The following EPB41L4A variants were observed in gnomAD, a reference collection of about 807,000 sequenced individuals.
EPB41L4A encodes band 4.1-like protein 4A.
In EPB41L4A, 100 loss-of-function variants were observed where a neutral mutation model predicts 108.6. The observed-to-expected ratio is 0.92, with a 90% CI of 0.78 to 1.09. The LOEUF is 1.09. Among genes scored for constraint, EPB41L4A ranks in the 50% least tolerant of loss-of-function variants. The pLI is 0.00. For missense variants in EPB41L4A, 1,030 were observed against 842.7 expected, an observed-to-expected ratio of 1.22 and a Z score of -2.75; for synonymous variants, 319 against 289.0, an observed-to-expected ratio of 1.10 and a Z score of -1.05.
chr5:112,234,142 G>A (rs1046894425), intron 12 of EPB41L4A, among the ~76,000 whole-genome samples: 1 of 150,062 alleles, frequency 6.7e-6, no homozygotes, highest in Non-Finnish European at 1.5e-5. Context: ...AACATAGTGA[G>A]ACCCTATCTC....
intron 12 of EPB41L4A, among the ~76,000 whole-genome samples, chr5:112,218,992 G>A (rs971157149): frequency 1.3e-5 from 2 of 152,168 alleles, no homozygotes; most frequent in Admixed American, 6.5e-5. Flanking sequence ...ATACCATACC[G>A]ATTCGTTGTG....
intron 1 of EPB41L4A, among the ~76,000 whole-genome samples, chr5:112,396,273 A>G (rs1205748788): frequency 6.6e-6 from 1 of 152,204 alleles, no homozygotes; most frequent in Non-Finnish European, 1.5e-5. Context: ...AAAAAGAAAA[A>G]GAAAACCATT....
intron 1 of EPB41L4A, among the ~76,000 whole-genome samples, chr5:112,401,627 C>T (rs1198774216): frequency 6.6e-6 from 1 of 152,136 alleles, no homozygotes; most frequent in African/African-American, 2.4e-5. Flanking sequence ...AAAATTATAG[C>T]TATTTCCAAG....
intron 1 of EPB41L4A, among the ~76,000 whole-genome samples, chr5:112,365,089 A>G (rs1759040496): frequency 6.6e-6 from 1 of 152,230 alleles, no homozygotes; most frequent in South Asian, 2.1e-4. Context: ...GGCATAAAGC[A>G]GATACTAAAT....
intron 12 of EPB41L4A, among the ~76,000 whole-genome samples, chr5:112,233,070 A>T (rs1749068101): frequency 6.6e-6 from 1 of 152,222 alleles, no homozygotes; most frequent in African/African-American, 2.4e-5. Flanking sequence ...TAACCCAAAT[A>T]TCCATCAACA....
intron 10 of EPB41L4A, 50 bp downstream of exon 10, chr5:112,240,669 T>C (rs372324954): frequency 5.0e-6 from 5 of 997,304 alleles, no homozygotes; most frequent in African/African-American, 1.7e-5. Context: ...TAAAAATAAA[T>C]GCCATTTTCA....
At chr5:112,391,755 G>C (rs1276219767) in intron 1 of EPB41L4A, among the ~76,000 whole-genome samples, 2 of 152,010 alleles carry the variant, frequency 1.3e-5, no homozygotes, top group East Asian at 3.9e-4. Context: ...CTCAAGAAGA[G>C]CAACCCCAAG....
At chr5:112,358,576 G>C (rs1758512410) in intron 1 of EPB41L4A, among the ~76,000 whole-genome samples, 1 of 152,216 alleles carries the variant, frequency 6.6e-6, no homozygotes, top group African/African-American at 2.4e-5. Flanking sequence ...CAAGGATGCA[G>C]AGCAACTAGA....
At chr5:112,173,920 G>A (rs754418762) in intron 18 of EPB41L4A, among the ~76,000 whole-genome samples, 1 of 152,126 alleles carries the variant, frequency 6.6e-6, no homozygotes, top group Non-Finnish European at 1.5e-5. Context: ...GGGATTGCAG[G>A]CGTGAGCCAC....
chr5:112,367,754 A>C (rs1211106792), intron 1 of EPB41L4A, among the ~76,000 whole-genome samples: 1 of 152,212 alleles, frequency 6.6e-6, no homozygotes, highest in East Asian at 1.9e-4. Flanking sequence ...AAAATATGAA[A>C]GGTTGAAGAA....
At chr5:112,283,665 C>T (rs1041187618) in intron 2 of EPB41L4A, among the ~76,000 whole-genome samples, 1 of 152,294 alleles carries the variant, frequency 6.6e-6, no homozygotes, top group Middle Eastern at 3.4e-3. Flanking sequence ...TCATTCATCA[C>T]TTATGGATAT....
intron 12 of EPB41L4A, among the ~76,000 whole-genome samples, chr5:112,151,098 T>C (rs1393119734): frequency 6.6e-6 from 1 of 152,126 alleles, no homozygotes; most frequent in Admixed American, 6.5e-5. Context: ...AAGATTGCAA[T>C]TAGAGTAGAA....
chr5:112,223,645 C>T (rs192931709), intron 12 of EPB41L4A, among the ~76,000 whole-genome samples: 31 of 152,260 alleles, frequency 2.0e-4, no homozygotes, highest in African/African-American at 6.3e-4. Context: ...AAACAACTGC[C>T]GAGGTAGAGC....
chr5:112,405,460 A>T (rs2431494), intron 1 of EPB41L4A, among the ~76,000 whole-genome samples: 1 of 152,356 alleles, frequency 6.6e-6, no homozygotes, highest in African/African-American at 2.4e-5. Flanking sequence ...GCCACATAGC[A>T]ATAGATAATG....
intron 18 of EPB41L4A, among the ~76,000 whole-genome samples, chr5:112,173,896 C>T (rs1311367806): frequency 6.6e-6 from 1 of 152,158 alleles, no homozygotes; most frequent in African/African-American, 2.4e-5. Flanking sequence ...CCCACCTCAG[C>T]CTCCCAAAAT....
chr5:112,313,899 T>C (rs1235701851), intron 1 of EPB41L4A, among the ~76,000 whole-genome samples: 5 of 144,796 alleles, frequency 3.5e-5, no homozygotes, highest in Non-Finnish European at 7.5e-5. Flanking sequence ...AGTCTCACTG[T>C]GTCCCCTAGG....
chr5:112,245,886 G>C (rs868817491), intron 9 of EPB41L4A, among the ~76,000 whole-genome samples: 1 of 152,218 alleles, frequency 6.6e-6, no homozygotes, highest in Admixed American at 6.5e-5. Flanking sequence ...GAGAGGCTGG[G>C]AAGAGAGAGT....
Position 112,339,485 on chromosome 5 carries a change from T to G in EPB41L4A, c.100-31995A>C, listed in dbSNP as rs1187448952. On this transcript the variant is annotated intron_variant, in intron 1 of 22. Transcript: ENST00000261486. ...AGATATATATATATCTATATATATA[T>G]ATATATATATCTATATATATATATA... 5.5e-4 allele frequency among the ~76,000 whole-genome samples: 23 copies of G among 42,196 alleles called. No homozygotes were observed. In the South Asian group the frequency reaches 9.6e-3, roughly 18 times the overall value. The allele number at this position is 42,196 out of a possible 152,430, so 27.7% of individuals were successfully genotyped here.
At chr5:112,266,138 T>C (rs1751837214) in intron 5 of EPB41L4A, 95 bp downstream of exon 5, 1 of 872,760 alleles carries the variant, frequency 1.1e-6, no homozygotes, top group South Asian at 1.9e-5. Context: ...CAAAATCTCA[T>C]GGATAAGAAG....
Sources: gnomAD v4.1 joint callset for allele counts (sites outside exome capture counted in the v4.1 genomes callset) on GRCh38, gnomAD v4.1.1 for gene constraint, MANE v1.5 for transcripts, NCBI Gene and HGNC (gene_info 2026-07-23, HGNC 2026-07-21) for gene names.